SAXO1: variants seen among roughly 807,000 people sequenced by gnomAD.
SAXO1 encodes 4930500O09Rik.
Under a neutral mutation model 17.5 loss-of-function variants are expected in SAXO1, and 21 were observed. That is an observed-to-expected ratio of 1.20 (90% CI 0.85 to 1.72). SAXO1 has a LOEUF of 1.72. SAXO1 is among the 40% of genes most tolerant of loss of function. SAXO1 has a pLI of 0.00. For missense variants in SAXO1, 843 were observed against 596.0 expected (o/e 1.41, Z -4.32); for synonymous variants, 274 against 216.5 (o/e 1.27, Z -2.33).
chr9:18,994,019 C>G (rs776472303), intron 1 of SAXO1, among the ~76,000 whole-genome samples: 3 of 152,200 alleles, frequency 2.0e-5, no homozygotes, highest in Non-Finnish European at 4.4e-5. Context: ...ATTTCTGACA[C>G]TAAAACAATG....
At chr9:18,929,139 G>T in intron 3 of SAXO1, 84 bp from the exon 4 acceptor site, 1 of 1,455,318 alleles carries the variant, frequency 6.9e-7, no homozygotes, top group Non-Finnish European at 9.3e-7. Context: ...AGGTCTTAAG[G>T]CAGTCTCCGA....
chr9:18,995,542 C>A (rs894183760), intron 1 of SAXO1, among the ~76,000 whole-genome samples: 1 of 152,162 alleles, frequency 6.6e-6, no homozygotes, highest in Non-Finnish European at 1.5e-5. Context: ...CAAGGGGATG[C>A]TGCTGCTATT....
chr9:18,972,775 C>T (rs1416934852), intron 1 of SAXO1, among the ~76,000 whole-genome samples: 3 of 152,208 alleles, frequency 2.0e-5, no homozygotes, highest in Non-Finnish European at 4.4e-5. Context: ...CTCCTCTTTG[C>T]TCTTCCTTTG....
At chr9:18,966,783 T>G (rs1300163954) in intron 1 of SAXO1, among the ~76,000 whole-genome samples, 1 of 152,166 alleles carries the variant, frequency 6.6e-6, no homozygotes, top group South Asian at 2.1e-4. Flanking sequence ...TTTGTTCCTT[T>G]ACTGGTGAGG....
At chr9:18,961,371 G>A (rs559676407) in intron 1 of SAXO1, among the ~76,000 whole-genome samples, 20 of 152,160 alleles carry the variant, frequency 1.3e-4, no homozygotes, top group African/African-American at 4.8e-4. Flanking sequence ...TAAGTTCTGG[G>A]ATACATGTGC....
At chr9:18,936,167 C>G (rs1364461733) in intron 3 of SAXO1, among the ~76,000 whole-genome samples, 4 of 152,286 alleles carry the variant, frequency 2.6e-5, no homozygotes, top group Admixed American at 1.3e-4. Flanking sequence ...ATACCACCCC[C>G]TCATCCACCA....
chr9:18,934,895 ATT>A (rs1245427249), intron 3 of SAXO1, among the ~76,000 whole-genome samples: 3 of 151,526 alleles, frequency 2.0e-5, no homozygotes, highest in Non-Finnish European at 4.4e-5. Context: ...ATTTTTGTTC[ATT>A]TTTTTCTTTT....
At chr9:19,032,596 G>T (rs567925095) in intron 1 of SAXO1, among the ~76,000 whole-genome samples, 1 of 152,220 alleles carries the variant, frequency 6.6e-6, no homozygotes, top group African/African-American at 2.4e-5. Context: ...GGGCTTCAGG[G>T]AAGGGAGTGC....
intron 1 of SAXO1, among the ~76,000 whole-genome samples, chr9:19,012,295 T>G (rs1192190254): frequency 2.0e-5 from 3 of 152,256 alleles, no homozygotes. Context: ...ATCTGGGGGT[T>G]AAGAGCTAGT....
In SAXO1 at chr9:18,928,638, G is replaced by C; in HGVS notation, c.839C>G (p.Ala280Gly). 1.9e-6 allele frequency: 3 copies of C among 1,614,176 alleles called. No individual in the cohort carries two copies. Among genetic ancestry groups the C allele is most frequent in the Non-Finnish European group, 2.5e-6 (3 of 1,180,030 alleles). ...GGAGAACATCCGGGGCATTGGCCAA[G>C]CTTGGTACTTATCTCGAAACTCAGT... Reference protein sequence around the residue: ...NTTEFRDKYQAWPMPRMFSKA... With the variant: ...NTTEFRDKYQGWPMPRMFSKA... Residue 280 changes from alanine (A) to glycine (G), a missense_variant, in exon 4 of 4, where the codon GCT (alanine) becomes GGT (glycine). By Grantham distance (60) the Ala-to-Gly change is moderately conservative. Transcript: ENST00000380534.
At chr9:18,973,098 A>T (rs751859001) in intron 1 of SAXO1, among the ~76,000 whole-genome samples, 4 of 152,262 alleles carry the variant, frequency 2.6e-5, no homozygotes, top group Non-Finnish European at 4.4e-5. Flanking sequence ...AGGCAAGAGA[A>T]ATCAGGTTGG....
At chr9:19,035,382 A>G (rs1346811187), upstream of SAXO1, among the ~76,000 whole-genome samples, 2 of 152,162 alleles carry the variant, frequency 1.3e-5, no homozygotes, top group Non-Finnish European at 2.9e-5. Flanking sequence ...TCCCACCATG[A>G]TTCTGAGACC....
intron 1 of SAXO1, among the ~76,000 whole-genome samples, chr9:19,029,669 G>T (rs1270484435): frequency 6.6e-6 from 1 of 152,174 alleles, no homozygotes; most frequent in African/African-American, 2.4e-5. Context: ...CGCAGTGATG[G>T]AAACACTCCC....
chr9:18,931,932 A>G (rs1309845597), intron 3 of SAXO1, among the ~76,000 whole-genome samples: 2 of 152,220 alleles, frequency 1.3e-5, no homozygotes, highest in African/African-American at 4.8e-5. Flanking sequence ...TATGTGATTT[A>G]CAAATTTTTT....
chr9:18,951,826 T>G (rs1258384586), intron 1 of SAXO1, among the ~76,000 whole-genome samples: 1 of 152,242 alleles, frequency 6.6e-6, no homozygotes, highest in Non-Finnish European at 1.5e-5. Flanking sequence ...TGTCCACTGT[T>G]CATCGTACAT....
chr9:18,983,987 A>T (rs1833495296), intron 1 of SAXO1, among the ~76,000 whole-genome samples: 1 of 152,210 alleles, frequency 6.6e-6, no homozygotes, highest in African/African-American at 2.4e-5. Flanking sequence ...TTACTTTTTG[A>T]CCCAGGGCTG....
intron 1 of SAXO1, among the ~76,000 whole-genome samples, chr9:19,024,443 G>T (rs1179535509): frequency 1.3e-5 from 2 of 152,004 alleles, no homozygotes; most frequent in Non-Finnish European, 2.9e-5. Context: ...GGACAGTTGT[G>T]GGGTGGGGCG....
chr9:18,966,715 A>G (rs762464971), intron 1 of SAXO1, among the ~76,000 whole-genome samples: 41 of 152,088 alleles, frequency 2.7e-4, no homozygotes, highest in Non-Finnish European at 5.0e-4. Context: ...AGAGTTTGTT[A>G]TTATTCACCT....
chr9:19,044,625 A>G (rs1156731892), intron 1 of SAXO1, among the ~76,000 whole-genome samples: 1 of 152,152 alleles, frequency 6.6e-6, no homozygotes, highest in Non-Finnish European at 1.5e-5. Context: ...GTACTTTGGG[A>G]GGCTGAGGCG....
Sources: allele counts gnomAD v4.1 joint callset (sites outside exome capture counted in the v4.1 genomes callset), GRCh38; gene constraint gnomAD v4.1.1; transcripts MANE v1.5; gene names NCBI Gene and HGNC (gene_info 2026-07-23, HGNC 2026-07-21).